NKAIN2: variants seen among roughly 807,000 people sequenced by gnomAD.
NKAIN2 encodes sodium/potassium-transporting ATPase subunit beta-1-interacting protein 2.
Under a neutral mutation model 32.6 loss-of-function variants are expected in NKAIN2, and 14 were observed. The ratio of observed to expected loss-of-function variants is 0.43; its 90% confidence interval spans 0.28 to 0.67. The LOEUF is 0.67. Among genes scored for constraint, NKAIN2 ranks in the 30% least tolerant of loss-of-function variants. NKAIN2 has a pLI of 0.17. For missense variants in NKAIN2, 198 were observed against 258.3 expected (o/e 0.77, Z 1.60); for synonymous variants, 80 against 87.2 (o/e 0.92, Z 0.46).
At chr6:124,347,105 G>C (rs199651178) in intron 2 of NKAIN2, among the ~76,000 whole-genome samples, 748 of 132,926 alleles carry the variant, frequency 5.6e-3, no homozygotes, top group Middle Eastern at 7.2e-3. Flanking sequence ...GCTTAGTTTG[G>C]CTGGATATGA....
At chr6:124,600,380 C>A (rs934335939) in intron 3 of NKAIN2, among the ~76,000 whole-genome samples, 1 of 151,966 alleles carries the variant, frequency 6.6e-6, no homozygotes, top group Non-Finnish European at 1.5e-5. Context: ...CTGATTGAAC[C>A]TAAATTTTAT....
At chr6:123,944,963 GCA>G (rs986369777) in intron 1 of NKAIN2, among the ~76,000 whole-genome samples, 1 of 151,878 alleles carries the variant, frequency 6.6e-6, no homozygotes, top group African/African-American at 2.4e-5. Context: ...CAACACACAT[GCA>G]CACACAGACA....
At chr6:124,689,953 T>A (rs1774179340) in intron 4 of NKAIN2, among the ~76,000 whole-genome samples, 1 of 152,128 alleles carries the variant, frequency 6.6e-6, no homozygotes, top group Admixed American at 6.6e-5. Context: ...TTCCTCTCCA[T>A]ATAAAGATTT....
chr6:124,698,417 A>G (rs1390164582), intron 4 of NKAIN2, among the ~76,000 whole-genome samples: 1 of 152,184 alleles, frequency 6.6e-6, no homozygotes, highest in African/African-American at 2.4e-5. Flanking sequence ...AGTCTGTGTT[A>G]CCCTGAAGAA....
intron 4 of NKAIN2, among the ~76,000 whole-genome samples, chr6:124,752,501 C>A: frequency 6.6e-6 from 1 of 151,852 alleles, no homozygotes; most frequent in East Asian, 1.9e-4. Flanking sequence ...CTATTCTGAA[C>A]ATGATCAAAC....
chr6:124,736,859 C>G (rs996561723), intron 4 of NKAIN2, among the ~76,000 whole-genome samples: 2 of 151,944 alleles, frequency 1.3e-5, no homozygotes, highest in South Asian at 4.1e-4. Flanking sequence ...AACACAACAA[C>G]CATTCTGCAG....
chr6:124,411,508 C>T (rs1209524274), intron 3 of NKAIN2, among the ~76,000 whole-genome samples: 3 of 152,118 alleles, frequency 2.0e-5, no homozygotes, highest in African/African-American at 7.2e-5. Flanking sequence ...TGAATATTGG[C>T]CCCCAGTCTC....
chr6:124,230,744 G>A (rs1245291590), intron 1 of NKAIN2, among the ~76,000 whole-genome samples: 1 of 152,220 alleles, frequency 6.6e-6, no homozygotes, highest in Non-Finnish European at 1.5e-5. Flanking sequence ...TGGAGTTTGG[G>A]AATCTCTGCC....
intron 3 of NKAIN2, among the ~76,000 whole-genome samples, chr6:124,528,911 C>T (rs1779417675): frequency 1.3e-5 from 2 of 152,244 alleles, no homozygotes; most frequent in South Asian, 4.1e-4. Flanking sequence ...CTAGAAGGGA[C>T]TCCTGAAATC....
intron 3 of NKAIN2, among the ~76,000 whole-genome samples, chr6:124,545,930 G>A (rs1780079998): frequency 6.6e-6 from 1 of 152,022 alleles, no homozygotes; most frequent in Admixed American, 6.6e-5. Flanking sequence ...CACATTAGAA[G>A]TAAGTAGCAA....
chr6:124,115,248 A>T (rs995221759), intron 1 of NKAIN2, among the ~76,000 whole-genome samples: 5 of 152,042 alleles, frequency 3.3e-5, no homozygotes, highest in Non-Finnish European at 5.9e-5. Flanking sequence ...TTTCCAATAA[A>T]TTTTTTCAAA....
At chr6:124,791,446 C>G in intron 5 of NKAIN2, 47 bp downstream of exon 5, 1 of 1,262,494 alleles carries the variant, frequency 7.9e-7, no homozygotes. Context: ...CAAAGCATCT[C>G]CTTTACTGCC....
intron 3 of NKAIN2, among the ~76,000 whole-genome samples, chr6:124,463,540 T>C (rs1381410221): frequency 6.6e-6 from 1 of 152,084 alleles, no homozygotes; most frequent in Non-Finnish European, 1.5e-5. Flanking sequence ...CCTCAAGTGT[T>C]CTACCACCTT....
At chr6:124,541,937 A>G (rs1215378293) in intron 3 of NKAIN2, among the ~76,000 whole-genome samples, 1 of 152,162 alleles carries the variant, frequency 6.6e-6, no homozygotes, top group Non-Finnish European at 1.5e-5. Context: ...TTCATAATAT[A>G]TATGCCTATT....
chr6:123,841,662 A>G (rs573349156), intron 1 of NKAIN2, among the ~76,000 whole-genome samples: 9 of 152,144 alleles, frequency 5.9e-5, no homozygotes, highest in South Asian at 2.1e-4. Context: ...AATGCAACCA[A>G]TGGTCACGGG....
intron 1 of NKAIN2, among the ~76,000 whole-genome samples, chr6:123,821,119 CAT>C (rs1366986143): frequency 2.0e-5 from 3 of 152,154 alleles, no homozygotes; most frequent in African/African-American, 7.2e-5. Flanking sequence ...CAGCCAATCA[CAT>C]GTCACTAGAT....
intron 3 of NKAIN2, among the ~76,000 whole-genome samples, chr6:124,390,469 A>G (rs549216768): frequency 1.5e-4 from 23 of 152,142 alleles, no homozygotes; most frequent in Non-Finnish European, 2.6e-4. Flanking sequence ...CTATCTGAAC[A>G]CTATCTGGCA....
chr6:124,484,944 T>C (rs1259171103), intron 3 of NKAIN2, among the ~76,000 whole-genome samples: 1 of 152,072 alleles, frequency 6.6e-6, no homozygotes, highest in African/African-American at 2.4e-5. Flanking sequence ...ATAAAACACA[T>C]TGTGCATAAT....
chr6:123,940,673 G>T (rs759836795), intron 1 of NKAIN2, among the ~76,000 whole-genome samples: 1 of 151,928 alleles, frequency 6.6e-6, no homozygotes, highest in South Asian at 2.1e-4. Flanking sequence ...TGATATAAAA[G>T]ATTTAAAATG....
Sources: gnomAD v4.1 joint callset for allele counts (sites outside exome capture counted in the v4.1 genomes callset) on GRCh38, gnomAD v4.1.1 for gene constraint, MANE v1.5 for transcripts, NCBI Gene and HGNC (gene_info 2026-07-23, HGNC 2026-07-21) for gene names.